The following POLR2M variants were observed in gnomAD, a reference collection of about 807,000 sequenced individuals.
The protein encoded by POLR2M is protein GRINL1A.
POLR2M carries 30 observed loss-of-function variants against 34.6 expected under a neutral mutation model. The observed-to-expected ratio is 0.87, with a 90% CI of 0.65 to 1.18. The LOEUF (loss-of-function observed/expected upper bound fraction) is 1.18, where lower values mean the gene tolerates loss of function less well. Among genes scored for constraint, POLR2M ranks in the 50% most tolerant of loss-of-function variants. POLR2M has a pLI of 0.00. For missense variants in POLR2M, 432 were observed against 448.7 expected (o/e 0.96, Z 0.34); for synonymous variants, 150 against 166.7 (o/e 0.90, Z 0.77).
chr15:57,714,438 G>A, intron 3 of POLR2M, 98 bp from the exon 4 acceptor site: 2 of 1,560,576 alleles, frequency 1.3e-6, no homozygotes, highest in Non-Finnish European at 1.7e-6. Flanking sequence ...TGAGGTGTCA[G>A]TGTCCCTCTT....
chr15:57,713,820 C>CTTTTTTTTTTTTTT (rs869161314), intron 3 of POLR2M, among the ~76,000 whole-genome samples: 3 of 65,638 alleles, frequency 4.6e-5, no homozygotes, highest in African/African-American at 6.0e-5. Context: ...ATTAGTCCTT[C>CTTTTTTTTTTTTTT]TTTTTTTTTT....
Position 57,715,734 on chromosome 15 carries a change from T to C in POLR2M, c.*1055T>C, listed in dbSNP as rs1444176914. 6.6e-6 allele frequency: 1 copy of C among 152,244 alleles called. No homozygotes were observed. Among genetic ancestry groups the C allele is most frequent in the Non-Finnish European group, 1.5e-5 (1 of 68,044 alleles). The allele number at this position is 152,244 out of a possible 1,614,324, so 9.4% of individuals were successfully genotyped here. A position where few individuals can be genotyped will look rare whatever the true frequency, so the allele number is the denominator to read the frequency against. ...TGTCTCCAGAGAAATTAACTTACAT[T>C]ATCAAAAAATTCTTTGTCTAATATA... On this transcript the variant is annotated 3_prime_UTR_variant, in exon 4 of 4. Coordinates refer to ENST00000299638, the MANE Select transcript of POLR2M (RefSeq NM_015532.5).
intron 1 of POLR2M, chr15:57,707,225 C>T: frequency 1.5e-6 from 2 of 1,359,702 alleles, no homozygotes; most frequent in Non-Finnish European, 2.0e-6. Context: ...GTTTTATTTA[C>T]CCGGGGACTG....
chr15:57,706,885 G>A lies in POLR2M; in HGVS notation c.43G>A (p.Asp15Asn). The A allele has an allele frequency of 6.3e-7, 1 of 1,597,708 alleles. No homozygotes were observed. The highest frequency in any genetic ancestry group is 8.5e-7 in the Non-Finnish European group (1 of 1,171,922). Residue 15 changes from aspartate (D) to asparagine (N), a missense_variant, in exon 1 of 4, where the codon GAC (aspartate) becomes AAC (asparagine). Transcript: ENST00000299638. ...PRGFEPQAPE[D>N]LAQRSLVELR... ...CGGCTTCGAGCCCCAAGCTCCCGAG[G>A]ACTTGGCGCAGCGGAGTTTGGTGGA...
intron 2 of POLR2M, among the ~76,000 whole-genome samples, chr15:57,710,382 A>G (rs1311198341): frequency 1.3e-5 from 2 of 152,276 alleles, no homozygotes; most frequent in Non-Finnish European, 2.9e-5. Context: ...AGTATGTAAC[A>G]TCAAAGTTAA....
chr15:57,714,339 G>A (rs1469726968), intron 3 of POLR2M, among the ~76,000 whole-genome samples, 197 bp from the exon 4 acceptor site: 6 of 152,116 alleles, frequency 3.9e-5, no homozygotes, highest in African/African-American at 1.4e-4. Flanking sequence ...AACTTCAACT[G>A]TAGCAGGCTG....
At chr15:57,714,427 G>A (rs1185914839) in intron 3 of POLR2M, 109 bp from the exon 4 acceptor site, 7 of 1,544,512 alleles carry the variant, frequency 4.5e-6, no homozygotes, top group Non-Finnish European at 6.1e-6. Flanking sequence ...GGAGCACTCA[G>A]TGAGGTGTCA....
At chr15:57,713,084 C>T (rs1272750497) in intron 3 of POLR2M, among the ~76,000 whole-genome samples, 1 of 151,980 alleles carries the variant, frequency 6.6e-6, no homozygotes, top group East Asian at 1.9e-4. Context: ...GTTCCAGCTA[C>T]CTGTGGGGCT....
Position 57,714,860 on chromosome 15 carries a change from T to A in POLR2M, c.*181T>A. The A allele has an allele frequency of 1.0e-6, 1 of 997,930 alleles. No individual in the cohort carries two copies. Among genetic ancestry groups the A allele is most frequent in the Non-Finnish European group, 1.4e-6 (1 of 696,358 alleles). 61.8% of individuals were successfully genotyped at this position (997,930 alleles called of 1,614,324 possible). Reference sequence around the variant, plus strand: ...GTGACTTTCATGTGCTTGAAAAGTTTAATATTTGAATATTGTGTTTAACCA... The same window carrying A: ...GTGACTTTCATGTGCTTGAAAAGTTAAATATTTGAATATTGTGTTTAACCA... On this transcript the variant is annotated 3_prime_UTR_variant, in exon 4 of 4. Transcript: ENST00000299638.
chr15:57,714,005 G>A lies in POLR2M; in HGVS notation c.964-531G>A, dbSNP rs527590979. Reference sequence around the variant, plus strand: ...CGGGTTCACAGGCACCCGCCACCACGCCCGGCTAATTTTTTGTATATTTAG... The same window carrying A: ...CGGGTTCACAGGCACCCGCCACCACACCCGGCTAATTTTTTGTATATTTAG... On this transcript the variant is annotated intron_variant, in intron 3 of 3. Transcript: ENST00000299638. 4.0e-5 allele frequency among the ~76,000 whole-genome samples: 6 copies of A among 151,532 alleles called. 1 individual carries two copies. The highest frequency in any genetic ancestry group is 1.2e-4 in the African/African-American group (5 of 41,322).
rs1385921745 is a variant in POLR2M, at chr15:57,717,404, T to G, written c.*2725T>G. 4 of 152,214 alleles carry G rather than the reference T, an allele frequency of 2.6e-5. No individual in the cohort carries two copies. The highest frequency in any genetic ancestry group is 9.6e-5 in the African/African-American group (4 of 41,452). The allele number at this position is 152,214 out of a possible 1,614,324, so 9.4% of individuals were successfully genotyped here. A position where few individuals can be genotyped will look rare whatever the true frequency, so the allele number is the denominator to read the frequency against. On this transcript the variant is annotated 3_prime_UTR_variant, in exon 4 of 4. Coordinates refer to ENST00000299638, the MANE Select transcript of POLR2M (RefSeq NM_015532.5). ...CACTCCAAAATCTCTGTGTGTCCCC[T>G]CTTGACACTCACTGTTTCCCCCAGA...
Position 57,712,050 on chromosome 15 carries a change from A to G in POLR2M, c.825A>G (p.Glu275=). The change falls in exon 3 of 4, where the codon GAA becomes GAG. Residue 275 remains glutamate, a synonymous_variant. Coordinates refer to ENST00000299638, the MANE Select transcript of POLR2M (RefSeq NM_015532.5). Reference sequence around the variant, plus strand: ...AGAGTGGGTCTCCTATTTCCTCAGAAGAGCGGCGGCGCAGGGATAAGCAGC... The same window carrying G: ...AGAGTGGGTCTCCTATTTCCTCAGAGGAGCGGCGGCGCAGGGATAAGCAGC... The part of the protein sequence containing the change: ...CQKSGSPISS[E]ERRRRDKQHL... 1 of 1,614,136 alleles carries G rather than the reference A, an allele frequency of 6.2e-7. No individual in the cohort carries two copies. Among genetic ancestry groups the G allele is most frequent in the Non-Finnish European group, 8.5e-7 (1 of 1,179,986 alleles).
At position 57,715,674 on chromosome 15, in the gene POLR2M, A is replaced by G. The variant is rs1302050240; in HGVS notation, c.*995A>G. The G allele has an allele frequency of 6.6e-6, 1 of 152,196 alleles. No homozygotes were observed. The highest frequency in any genetic ancestry group is 1.5e-5 in the Non-Finnish European group (1 of 68,038). The allele number at this position is 152,196 out of a possible 1,614,324, so 9.4% of individuals were successfully genotyped here. A position where few individuals can be genotyped will look rare whatever the true frequency, so the allele number is the denominator to read the frequency against. On this transcript the variant is annotated 3_prime_UTR_variant, in exon 4 of 4. Transcript: ENST00000299638. ...GACTGCAGAAGCTTCAGTCCCATAT[A>G]TAAACGTTCATGTCATTTTAGAGGA...
chr15:57,707,590 A>T (rs1264064480), intron 1 of POLR2M: 1 of 453,990 alleles, frequency 2.2e-6, no homozygotes, highest in East Asian at 7.0e-5. Flanking sequence ...CTAGGAAGGG[A>T]TTGGGAGAAC....
In POLR2M at chr15:57,712,107, A is replaced by G. The variant is rs749835151; in HGVS notation, c.882A>G (p.Leu294=). The G allele has an allele frequency of 1.2e-6, 2 of 1,614,150 alleles. No individual in the cohort carries two copies. The highest frequency in any genetic ancestry group is 1.7e-6 in the Non-Finnish European group (2 of 1,180,024). The change falls in exon 3 of 4, where the codon CTA becomes CTG. Residue 294 remains leucine, a synonymous_variant. Transcript: ENST00000299638. ...HLDDITAARL[L]PLHHMPTQLL... The stretch of plus-strand genomic sequence containing the variant: ...ATGACATCACAGCAGCTCGGCTTCT[A>G]CCACTTCACCATATGCCCACGCAGC...
chr15:57,707,323 A>G (rs1462668212), intron 1 of POLR2M: 1 of 728,454 alleles, frequency 1.4e-6, no homozygotes, highest in African/African-American at 1.7e-5. Flanking sequence ...TCTGGATTCT[A>G]AGCTTACAGG....
At chr15:57,709,906 G>T (rs1200062649) in intron 2 of POLR2M, among the ~76,000 whole-genome samples, 1 of 152,130 alleles carries the variant, frequency 6.6e-6, no homozygotes, top group Non-Finnish European at 1.5e-5. Context: ...GAGCTGATGG[G>T]CTTTCCAGCA....
chr15:57,707,277 C>A (rs11854253), intron 1 of POLR2M: 6 of 859,284 alleles, frequency 7.0e-6, no homozygotes, highest in Non-Finnish European at 1.1e-5. Context: ...TTTTGTCGCC[C>A]GCACCCCTAA....
rs752001177 is a variant in POLR2M, at chr15:57,714,638, G to A, written c.1066G>A (p.Val356Ile). ...EGESSGRYRE[V>I]RDEDDDWSSD... ...GGAGTCTTCAGGGAGATACCGAGAA[G>A]TAAGGGATGAAGATGACGATTGGTC... Residue 356 changes from valine to isoleucine, a missense_variant, in exon 4 of 4, where the codon GTA becomes ATA. Transcript: ENST00000299638. The A allele has an allele frequency of 4.3e-6, 7 of 1,612,314 alleles. No homozygotes were observed. The highest frequency in any genetic ancestry group is 2.7e-5 in the African/African-American group (2 of 74,842).
Sources: gnomAD v4.1 joint callset for allele counts (sites outside exome capture counted in the v4.1 genomes callset) on GRCh38, gnomAD v4.1.1 for gene constraint, MANE v1.5 for transcripts, NCBI Gene and HGNC (gene_info 2026-07-23, HGNC 2026-07-21) for gene names.